TFG: variants seen among roughly 807,000 people sequenced by gnomAD.
The protein encoded by TFG is protein TFG.
TFG carries 22 observed loss-of-function variants against 51.4 expected under a neutral mutation model. The ratio of observed to expected loss-of-function variants is 0.43; its 90% CI spans 0.31 to 0.61. The LOEUF (loss-of-function observed/expected upper bound fraction) is 0.61. TFG is among the 20% of genes least tolerant of loss of function. The pLI, the probability that TFG is intolerant of heterozygous loss-of-function variation, is 0.12. For synonymous variants in TFG, 187 were observed against 165.6 expected (o/e 1.13, Z -0.99); for missense variants, 419 against 487.7 (o/e 0.86, Z 1.33).
intron 5 of TFG, among the ~76,000 whole-genome samples, chr3:100,734,224 A>G (rs1448397032): frequency 6.6e-6 from 1 of 152,110 alleles, no homozygotes; most frequent in African/African-American, 2.4e-5. Context: ...TAACTTTCAC[A>G]TACTCAAAAC....
At chr3:100,727,159 G>A (rs2149076135) in intron 3 of TFG, among the ~76,000 whole-genome samples, 1 of 152,272 alleles carries the variant, frequency 6.6e-6, no homozygotes, top group South Asian at 2.1e-4. Context: ...TATTCAACGG[G>A]AGAACACCAC....
chr3:100,728,628 T>G, intron 3 of TFG, 84 bp from the exon 4 acceptor site: 1 of 1,165,782 alleles, frequency 8.6e-7, no homozygotes, highest in Non-Finnish European at 1.2e-6. Flanking sequence ...TTAAAGGAAT[T>G]GTATTTATTT....
intron 1 of TFG, among the ~76,000 whole-genome samples, chr3:100,711,502 G>T (rs572477047): frequency 6.6e-6 from 1 of 152,218 alleles, no homozygotes; most frequent in Admixed American, 6.5e-5. Flanking sequence ...TCTTAATTAG[G>T]AGTGTGTCTG....
intron 5 of TFG, among the ~76,000 whole-genome samples, chr3:100,734,920 A>G (rs2095102372): frequency 6.6e-6 from 1 of 152,174 alleles, no homozygotes; most frequent in Non-Finnish European, 1.5e-5. Flanking sequence ...ATACTTTTGT[A>G]GTTCTTCAGG....
At chr3:100,709,299 C>T (rs1400607917), upstream of TFG, 2 of 152,290 alleles carry the variant, frequency 1.3e-5, no homozygotes, top group Non-Finnish European at 2.9e-5. Context: ...GTGGTCACGC[C>T]CCGCGCATGC....
At chr3:100,718,951 CT>C (rs2095053757) in intron 2 of TFG, among the ~76,000 whole-genome samples, 1 of 152,096 alleles carries the variant, frequency 6.6e-6, no homozygotes, top group African/African-American at 2.4e-5. Context: ...CAGAGATACT[CT>C]GTTTCTGTTG....
intron 3 of TFG, among the ~76,000 whole-genome samples, chr3:100,722,152 G>GA (rs1294305306): frequency 2.6e-5 from 4 of 151,846 alleles, no homozygotes; most frequent in Non-Finnish European, 4.4e-5. Context: ...CTCCATCTCA[G>GA]AAAAAACAAA....
chr3:100,741,364 T>C (rs1035855365), intron 6 of TFG, among the ~76,000 whole-genome samples: 7 of 152,256 alleles, frequency 4.6e-5, no homozygotes, highest in Admixed American at 2.0e-4. Context: ...GGCTAATGTG[T>C]ATGTTTGTGT....
At chr3:100,742,751 G>A (rs555640434) in intron 6 of TFG, 12 of 152,046 alleles carry the variant, frequency 7.9e-5, no homozygotes, top group Non-Finnish European at 1.5e-4. Flanking sequence ...GTGTTTTAAC[G>A]AAACAATGTC....
At chr3:100,725,345 C>T (rs2149073773) in intron 3 of TFG, among the ~76,000 whole-genome samples, 1 of 152,124 alleles carries the variant, frequency 6.6e-6, no homozygotes, top group East Asian at 1.9e-4. Context: ...ATAAATCTAA[C>T]ATGGCAAGAT....
rs185779153 is a variant in TFG at position 100,745,267 on chromosome 3, A to G, written c.820+336A>G. 2.8e-3 allele frequency among the ~76,000 whole-genome samples: 431 copies of G among 152,166 alleles called. 2 individuals are homozygous for G. The highest frequency in any genetic ancestry group is 7.9e-3 in the African/African-American group (328 of 41,510). On this transcript the variant is annotated intron_variant, in intron 7 of 7. Transcript: ENST00000240851. ...TTTTCCCCCTTCCCTCCACCTCTCC[A>G]TTTATATGTAACACGTAATTCCAGT...
chr3:100,748,141 C>CT lies in TFG; in HGVS notation c.821-4dup. ...ATAAGATACATGTTATTTATTTTGC[C>CT]TTTTCAGCAAGCTATAGTCAGCAGA... On this transcript the variant is annotated splice_region_variant and splice_polypyrimidine_tract_variant and intron_variant, in intron 7 of 7. Transcript: ENST00000240851. 1 of 1,607,308 alleles carries CT rather than the reference C, an allele frequency of 6.2e-7. No homozygotes were observed. The highest frequency in any genetic ancestry group is 8.5e-7 in the Non-Finnish European group (1 of 1,176,572).
intron 6 of TFG, among the ~76,000 whole-genome samples, chr3:100,740,543 T>TGTGA (rs2095118521): frequency 6.6e-6 from 1 of 152,194 alleles, no homozygotes; most frequent in Non-Finnish European, 1.5e-5. Context: ...CTATTCAGTA[T>TGTGA]GTGAGGGACT....
intron 7 of TFG, among the ~76,000 whole-genome samples, chr3:100,745,940 T>C (rs1319986900): frequency 6.6e-6 from 1 of 152,244 alleles, no homozygotes; most frequent in Non-Finnish European, 1.5e-5. Context: ...TCTGGCTCTT[T>C]ACAGAAAAGT....
intron 2 of TFG, 57 bp downstream of exon 2, chr3:100,713,926 A>G (rs1215197841): frequency 1.8e-6 from 2 of 1,139,944 alleles, no homozygotes; most frequent in Non-Finnish European, 1.2e-6. Context: ...AAAAAAAAAG[A>G]CAGAGCCTCT....
chr3:100,710,566 C>T (rs2149052942), intron 1 of TFG, among the ~76,000 whole-genome samples: 1 of 152,318 alleles, frequency 6.6e-6, no homozygotes, highest in Non-Finnish European at 1.5e-5. Flanking sequence ...GCCACAGCCT[C>T]TGAAATTGAG....
chr3:100,720,400 T>C (rs942595004), intron 3 of TFG, among the ~76,000 whole-genome samples: 1 of 152,260 alleles, frequency 6.6e-6, no homozygotes, highest in African/African-American at 2.4e-5. Flanking sequence ...ATGTTGTTAC[T>C]TATTATCAGG....
chr3:100,733,659 T>C (rs1042099593), intron 5 of TFG, among the ~76,000 whole-genome samples: 12 of 152,188 alleles, frequency 7.9e-5, no homozygotes, highest in Non-Finnish European at 1.3e-4. Flanking sequence ...TTTCTGTTTC[T>C]TTGCCTGTCT....
At chr3:100,715,498 G>A (rs2447456) in intron 2 of TFG, among the ~76,000 whole-genome samples, 139,476 of 152,280 alleles carry the variant, frequency 0.92, 64,817 homozygotes, top group Non-Finnish European at 1. Context: ...ATACTGTGGA[G>A]GAGAAGTGTA....
Sources: allele counts gnomAD v4.1 joint callset (sites outside exome capture counted in the v4.1 genomes callset), GRCh38; gene constraint gnomAD v4.1.1; transcripts MANE v1.5; gene names NCBI Gene and HGNC (gene_info 2026-07-23, HGNC 2026-07-21).